Variants in GFPT1 observed in about 807,000 individuals in gnomAD.
The protein encoded by GFPT1 is glutamine--fructose-6-phosphate transaminase 1, also known as glutamine--fructose-6-phosphate aminotransferase [isomerizing] 1.
In GFPT1, 40 loss-of-function variants were observed where a neutral mutation model predicts 92.0. The observed-to-expected ratio is 0.43, with a 90% confidence interval of 0.34 to 0.57. The LOEUF (loss-of-function observed/expected upper bound fraction) is 0.57. GFPT1 is among the 20% of genes least tolerant of loss of function. The pLI is 0.02. For synonymous variants in GFPT1, 269 were observed against 280.6 expected (o/e 0.96, Z 0.41); for missense variants, 448 against 869.1 (o/e 0.52, Z 6.09).
intron 3 of GFPT1, among the ~76,000 whole-genome samples, chr2:69,366,542 G>A (rs987716226): frequency 1.3e-5 from 2 of 152,128 alleles, no homozygotes; most frequent in Non-Finnish European, 2.9e-5. Context: ...CTATTTCACT[G>A]TTGCTACCTA....
At chr2:69,382,501 T>C (rs72907021) in intron 1 of GFPT1, among the ~76,000 whole-genome samples, 8,247 of 152,220 alleles carry the variant, frequency 0.054, 661 homozygotes, top group African/African-American at 0.18. Context: ...CCTTGACATA[T>C]GCAATTTCTC....
intron 1 of GFPT1, among the ~76,000 whole-genome samples, chr2:69,379,464 A>T (rs1250136132): frequency 6.6e-6 from 1 of 152,214 alleles, no homozygotes; most frequent in East Asian, 1.9e-4. Context: ...GGTTGCAGTG[A>T]ACTAGTCAAT....
Position 69,323,643 on chromosome 2 carries a change from C to T in GFPT1, c.*2546G>A, listed in dbSNP as rs1397811301. ...CCTCCCAAGTTGCTGAGACTACAGG[C>T]ACAAGCCACCATGCCCAGCCCATTT... is the stretch of plus-strand genomic sequence containing the variant. On this transcript the variant is annotated 3_prime_UTR_variant, in exon 20 of 20. Transcript: ENST00000357308. 1 of 151,554 alleles carries T rather than the reference C, an allele frequency of 6.6e-6. No individual in the cohort carries two copies. The highest frequency in any genetic ancestry group is 1.9e-4 in the East Asian group (1 of 5,156). The allele number at this position is 151,554 out of a possible 1,614,324, so 9.4% of individuals were successfully genotyped here. A position where few individuals can be genotyped will look rare whatever the true frequency, so the allele number is the denominator to read the frequency against.
chr2:69,350,758 C>A (rs1671185985), intron 9 of GFPT1, among the ~76,000 whole-genome samples: 1 of 151,822 alleles, frequency 6.6e-6, no homozygotes, highest in Admixed American at 6.6e-5. Flanking sequence ...CAAAAATTGG[C>A]CAGACGTGGT....
chr2:69,344,247 A>G (rs1384362865), intron 12 of GFPT1, among the ~76,000 whole-genome samples: 1 of 149,572 alleles, frequency 6.7e-6, no homozygotes, highest in East Asian at 2.0e-4. Flanking sequence ...ATTGCAGATG[A>G]TGACAAAGAA....
rs1002173649 is a variant in GFPT1, at chr2:69,326,219, C to A, written c.2070G>T (p.Arg690=). 1 of 1,593,272 alleles carries A rather than the reference C, an allele frequency of 6.3e-7. No individual in the cohort carries two copies. Among genetic ancestry groups the A allele is most frequent in the Non-Finnish European group, 8.5e-7 (1 of 1,169,778 alleles). Reference sequence around the variant, plus strand: ...CTACAGTCACAGATTTGGCAAGATTCCGTGGGAAATCAACCTGCAAAAAGA... The same window carrying A: ...CTACAGTCACAGATTTGGCAAGATTACGTGGGAAATCAACCTGCAAAAAGA... ...VLRGYDVDFP[R]NLAKSVTVE Residue 690 remains arginine, a synonymous_variant, in exon 20 of 20, where the codon CGG becomes CGT. Transcript: ENST00000357308.
Position 69,342,245 on chromosome 2 carries a change from A to G in GFPT1, c.1110T>C (p.Asn370=), listed in dbSNP as rs545408991. The G allele has an allele frequency of 1.3e-6, 2 of 1,583,514 alleles. No individual in the cohort carries two copies. The highest frequency in any genetic ancestry group is 2.2e-5 in the East Asian group (1 of 44,726). ...TTATGTGATCCTTCAAACCACCCAA[A>G]TTCACTGAAATAAAAGTTTGTGTAC... is the stretch of plus-strand genomic sequence containing the variant. ...GRVNFDDYTV[N]LGGLKDHIKE... Residue 370 remains asparagine, a synonymous_variant, in exon 13 of 20, where the codon AAT becomes AAC. Coordinates refer to ENST00000357308, the MANE Select transcript of GFPT1 (RefSeq NM_001244710.2).
At chr2:69,344,336 A>G (rs1482430616) in intron 12 of GFPT1, among the ~76,000 whole-genome samples, 5 of 152,142 alleles carry the variant, frequency 3.3e-5, no homozygotes, top group African/African-American at 1.2e-4. Context: ...CTGGTGGCTG[A>G]GGATAGTTGG....
chr2:69,363,419 T>C, intron 4 of GFPT1, 126 bp downstream of exon 4: 2 of 996,172 alleles, frequency 2.0e-6, no homozygotes, highest in South Asian at 2.8e-5. Flanking sequence ...TGCTCTCTAC[T>C]ACTTCTGAAT....
In GFPT1 at chr2:69,387,105, G is replaced by A. The variant is rs886056262; in HGVS notation, c.-34C>T. On this transcript the variant is annotated 5_prime_UTR_variant, in exon 1 of 20. Coordinates refer to ENST00000357308, the MANE Select transcript of GFPT1 (RefSeq NM_001244710.2). ...AGACACGGCCCGCGAGGCCAGGGGC[G>A]AGTGGCTGGCGGGATCGGGGGTGCA... is the stretch of plus-strand genomic sequence containing the variant. 8.5e-6 allele frequency: 13 copies of A among 1,530,260 alleles called. No individual in the cohort carries two copies. The highest frequency in any genetic ancestry group is 9.6e-6 in the Non-Finnish European group (11 of 1,144,248). The allele number at this position is 1,530,260 out of a possible 1,614,324, so 94.8% of individuals were successfully genotyped here.
chr2:69,325,976 C>G lies in GFPT1; in HGVS notation c.*213G>C. On this transcript the variant is annotated 3_prime_UTR_variant, in exon 20 of 20. Transcript: ENST00000357308. ...TCTGATACAGATTCCAATATAGATT[C>G]CATTATTCAAAGTCCTCCACAAATT... 1 of 532,066 alleles carries G rather than the reference C, an allele frequency of 1.9e-6. No homozygotes were observed. The highest frequency in any genetic ancestry group is 3.3e-6 in the Non-Finnish European group (1 of 301,798). The allele number at this position is 532,066 out of a possible 1,614,324, so 33.0% of individuals were successfully genotyped here.
intron 5 of GFPT1, among the ~76,000 whole-genome samples, chr2:69,359,049 T>G (rs1351314462): frequency 6.6e-6 from 1 of 152,228 alleles, no homozygotes; most frequent in East Asian, 1.9e-4. Context: ...GTCATGTATA[T>G]TACAGTCAAA....
At chr2:69,373,585 C>T (rs1671801910) in intron 2 of GFPT1, among the ~76,000 whole-genome samples, 1 of 152,050 alleles carries the variant, frequency 6.6e-6, no homozygotes, top group Non-Finnish European at 1.5e-5. Context: ...CACCACTACA[C>T]TCCAGCTGGG....
chr2:69,353,930 TATA>T (rs1354542926), intron 9 of GFPT1, among the ~76,000 whole-genome samples: 2 of 152,220 alleles, frequency 1.3e-5, no homozygotes, highest in African/African-American at 2.4e-5. Context: ...TTAGTCAATC[TATA>T]ATAACCTAGC....
chr2:69,344,170 CAA>C (rs1671023647), intron 12 of GFPT1, among the ~76,000 whole-genome samples: 1 of 68,468 alleles, frequency 1.5e-5, no homozygotes, highest in South Asian at 5.1e-4. Flanking sequence ...GGCAAAGACT[CAA>C]TATAAAAGCA....
At chr2:69,338,381 A>G (rs1670854994) in intron 14 of GFPT1, 64 bp downstream of exon 14, 1 of 1,406,052 alleles carries the variant, frequency 7.1e-7, no homozygotes, top group South Asian at 1.2e-5. Flanking sequence ...GCTTTTGCCA[A>G]GATATGCTAG....
At chr2:69,359,048 A>G (rs1015904971) in intron 5 of GFPT1, among the ~76,000 whole-genome samples, 7 of 152,212 alleles carry the variant, frequency 4.6e-5, no homozygotes, top group African/African-American at 1.4e-4. Flanking sequence ...TGTCATGTAT[A>G]TTACAGTCAA....
chr2:69,350,235 A>G lies in GFPT1; in HGVS notation c.740-52T>C, dbSNP rs761904396. The G allele has an allele frequency of 3.8e-6, 4 of 1,041,250 alleles. No homozygotes were observed. In the East Asian group the frequency reaches 9.5e-5, roughly 25 times the overall value. The allele number at this position is 1,041,250 out of a possible 1,614,324, so 64.5% of individuals were successfully genotyped here. ...GCAAACATGTAGAAAATCATGTCCA[A>G]TGTAGAAATATGCATAATATTCTAT... On this transcript the variant is annotated intron_variant, in intron 9 of 19. Transcript: ENST00000357308.
Position 69,326,897 on chromosome 2 carries a change from A to G in GFPT1, c.2055+17T>C. 1 of 1,613,146 alleles carries G rather than the reference A, an allele frequency of 6.2e-7. No homozygotes were observed. Among genetic ancestry groups the G allele is most frequent in the Non-Finnish European group, 8.5e-7 (1 of 1,179,042 alleles). Reference sequence around the variant, plus strand: ...TAAAAAACCATCCCAAGATTTCTGCAGTGGTAGATGACTTACATCATAGCC... The same window carrying G: ...TAAAAAACCATCCCAAGATTTCTGCGGTGGTAGATGACTTACATCATAGCC... On this transcript the variant is annotated intron_variant, in intron 19 of 19. Transcript: ENST00000357308.
Sources: gnomAD v4.1 joint callset for allele counts (sites outside exome capture counted in the v4.1 genomes callset) on GRCh38, gnomAD v4.1.1 for gene constraint, MANE v1.5 for transcripts, NCBI Gene and HGNC (gene_info 2026-07-23, HGNC 2026-07-21) for gene names.